The following HEATR1 variants were observed in gnomAD, a reference collection of about 807,000 sequenced individuals.
HEATR1 encodes HEAT repeat containing 1.
Under a neutral mutation model 248.2 loss-of-function variants are expected in HEATR1, and 77 were observed. That is an observed-to-expected ratio of 0.31 (90% CI 0.26 to 0.37). The LOEUF (loss-of-function observed/expected upper bound fraction) is 0.37, where lower values mean the gene tolerates loss of function less well. Among genes scored for constraint, HEATR1 ranks in the 10% least tolerant of loss-of-function variants. The pLI, the probability that HEATR1 is intolerant of heterozygous loss-of-function variation, is 1.00. For missense variants in HEATR1, 2,420 were observed against 2,504.9 expected (o/e 0.97, Z 0.72); for synonymous variants, 897 against 923.1 (o/e 0.97, Z 0.51).
At chr1:236,575,413 C>G (rs1253172660) in intron 22 of HEATR1, among the ~76,000 whole-genome samples, 1 of 152,018 alleles carries the variant, frequency 6.6e-6, no homozygotes, top group Non-Finnish European at 1.5e-5. Context: ...TTGTTTACAC[C>G]CTGTCTGTGG....
At chr1:236,604,149 G>T (rs1664408787) in intron 1 of HEATR1, 22 bp from the exon 2 acceptor site, 2 of 1,514,492 alleles carry the variant, frequency 1.3e-6, no homozygotes, top group East Asian at 2.4e-5. Flanking sequence ...TAAGCACTTT[G>T]ATAAGTTTCT....
chr1:236,579,709 T>C (rs980071908), intron 20 of HEATR1, among the ~76,000 whole-genome samples: 21 of 152,058 alleles, frequency 1.4e-4, no homozygotes, highest in African/African-American at 5.1e-4. Flanking sequence ...GACCGAAATT[T>C]TGTAAGCGAA....
rs1308854790 is a variant in HEATR1 at position 236,555,497 on chromosome 1, C to T, written c.5755-33G>A. ...GATAAGACAGTATTAGTTTCTTCGACATCTTGTCACTTAAATCTGAGCACA... is the reference window on the plus strand; with the variant it reads ...GATAAGACAGTATTAGTTTCTTCGATATCTTGTCACTTAAATCTGAGCACA... On this transcript the variant is annotated intron_variant, in intron 40 of 44. Transcript: ENST00000366582. 4 of 1,613,940 alleles carry T rather than the reference C, an allele frequency of 2.5e-6. No individual in the cohort carries two copies. The African/African-American group carries it at 4.0e-5, about 16-fold the overall frequency.
At chr1:236,561,489 A>G (rs1421033676) in intron 32 of HEATR1, among the ~76,000 whole-genome samples, 1 of 152,256 alleles carries the variant, frequency 6.6e-6, no homozygotes, top group Non-Finnish European at 1.5e-5. Context: ...GTATCTAAAA[A>G]GTACTACAAT....
At chr1:236,596,130 CAT>C in intron 6 of HEATR1, 86 bp from the exon 7 acceptor site, 2 of 1,007,318 alleles carry the variant, frequency 2.0e-6, no homozygotes, top group East Asian at 2.6e-5. Context: ...TTAGAAATGT[CAT>C]AGAGATTAAT....
In HEATR1 at chr1:236,552,120, A is replaced by G. The variant is rs1662774610; in HGVS notation, c.6238-13T>C. ...CAGCAAATCGAACCTGAAAGGGATA[A>G]AAGAGCAAAGAAATAAAAAGTAGTG... On this transcript the variant is annotated splice_polypyrimidine_tract_variant and intron_variant, in intron 43 of 44. Coordinates refer to ENST00000366582, the MANE Select transcript of HEATR1 (RefSeq NM_018072.6). 2 of 1,530,558 alleles carry G rather than the reference A, an allele frequency of 1.3e-6. No homozygotes were observed. The highest frequency in any genetic ancestry group is 1.8e-6 in the Non-Finnish European group (2 of 1,105,892). 94.8% of individuals were successfully genotyped at this position (1,530,558 alleles called of 1,614,324 possible).
intron 43 of HEATR1, 129 bp downstream of exon 43, chr1:236,553,452 A>G: frequency 1.0e-6 from 1 of 958,774 alleles, no homozygotes; most frequent in Non-Finnish European, 1.5e-6. Context: ...GACCTCTAGT[A>G]CTGGATGACA....
At chr1:236,583,489 T>C (rs1374617165) in intron 17 of HEATR1, among the ~76,000 whole-genome samples, 1 of 146,322 alleles carries the variant, frequency 6.8e-6, no homozygotes, top group African/African-American at 2.5e-5. Context: ...TATTTCTTTT[T>C]TTTTTTTTTT....
At position 236,549,235 on chromosome 1, in the gene HEATR1, C is replaced by T. The variant is rs986264839; in HGVS notation, c.*1667G>A. 5.5e-5 allele frequency: 20 copies of T among 362,038 alleles called. No individual in the cohort carries two copies. The East Asian group carries it at 6.7e-4, about 12-fold the overall frequency. The allele number at this position is 362,038 out of a possible 1,614,324, so 22.4% of individuals were successfully genotyped here. On this transcript the variant is annotated 3_prime_UTR_variant, in exon 45 of 45. Transcript: ENST00000366582. Reference sequence around the variant, plus strand: ...GAGATCAAAGCACTCTTCCACTTTACGTGATTAAAATCAAACCTGTATCAG... The same window carrying T: ...GAGATCAAAGCACTCTTCCACTTTATGTGATTAAAATCAAACCTGTATCAG...
At position 236,576,632 on chromosome 1, in the gene HEATR1, A is replaced by T. The variant is rs1476596997; in HGVS notation, c.2925+148T>A. On this transcript the variant is annotated intron_variant, in intron 21 of 44. Coordinates refer to ENST00000366582, the MANE Select transcript of HEATR1 (RefSeq NM_018072.6). ...GCTATCTTTTCAAAAGTAGGGGGACACAGATGTACAGATATTGACCTATCA... is the reference window on the plus strand; with the variant it reads ...GCTATCTTTTCAAAAGTAGGGGGACTCAGATGTACAGATATTGACCTATCA... 8.4e-6 allele frequency: 6 copies of T among 710,722 alleles called. No homozygotes were observed. In the Admixed American group the frequency reaches 1.3e-4, roughly 16 times the overall value. 44.0% of individuals were successfully genotyped at this position (710,722 alleles called of 1,614,324 possible).
intron 23 of HEATR1, 146 bp from the exon 24 acceptor site, chr1:236,574,479 TACA>T: frequency 8.2e-7 from 1 of 1,212,756 alleles, no homozygotes; most frequent in Non-Finnish European, 1.1e-6. Context: ...ATGACCCATG[TACA>T]ACGTTCAGTT....
In HEATR1 at chr1:236,566,757, A is replaced by T. The variant is rs769977807; in HGVS notation, c.4197T>A (p.Leu1399=). ...CACCCAGTGTATCAACAAGTTGAAC[A>T]AGGATGGGCAGGCGCCTGTGCTCCG... ...HVPEHRRLPI[L]VQLVDTLGAE... The change falls in exon 30 of 45, where the codon CTT becomes CTA. Residue 1399 remains leucine (L), a synonymous_variant. Transcript: ENST00000366582. 1 of 1,614,170 alleles carries T rather than the reference A, an allele frequency of 6.2e-7. No homozygotes were observed. The highest frequency in any genetic ancestry group is 8.5e-7 in the Non-Finnish European group (1 of 1,180,008).
intron 5 of HEATR1, 22 bp from the exon 6 acceptor site, chr1:236,596,998 A>G: frequency 6.2e-7 from 1 of 1,607,308 alleles, no homozygotes; most frequent in Non-Finnish European, 8.5e-7. Context: ...AACACAAACA[A>G]AACACATTTA....
intron 28 of HEATR1, among the ~76,000 whole-genome samples, chr1:236,569,563 A>G (rs1438224309): frequency 6.6e-6 from 1 of 152,218 alleles, no homozygotes. Flanking sequence ...CAAAGAAAAA[A>G]TTCATACGAA....
At position 236,574,849 on chromosome 1, in the gene HEATR1, T is replaced by C. The variant is rs1218967730; in HGVS notation, c.3139A>G (p.Lys1047Glu). 1 of 1,613,812 alleles carries C rather than the reference T, an allele frequency of 6.2e-7. No homozygotes were observed. Among genetic ancestry groups the C allele is most frequent in the Non-Finnish European group, 8.5e-7 (1 of 1,179,836 alleles). ...MAEQLLEKIQ[K>E]EPTAVLKDEA... ...TCTTTCAGCACAGCTGTGGGCTCCT[T>C]CTGGATCTTTTCTAGCAGTTGTTCA... Residue 1047 changes from lysine (K) to glutamate (E), a missense_variant, in exon 23 of 45, where the codon AAG becomes GAG. Lys to Glu is a moderately conservative substitution (Grantham distance 56, BLOSUM62 1). Transcript: ENST00000366582.
In HEATR1 at chr1:236,591,997, T is replaced by C; in HGVS notation, c.1418A>G (p.Tyr473Cys). ...FVSLSTSGGK[Y>C]QFLADSDTSL... ...TTCCTTTGGAGAACAACATACCTGA[T>C]ACTTTCCTCCACTTGTAGAAAGAGA... The change falls in exon 11 of 45, where the codon TAT becomes TGT. Residue 473 changes from tyrosine (Y) to cysteine (C), a missense_variant. Tyr to Cys is a radical substitution (Grantham distance 194). Transcript: ENST00000366582. 1 of 1,565,088 alleles carries C rather than the reference T, an allele frequency of 6.4e-7. No homozygotes were observed. Among genetic ancestry groups the C allele is most frequent in the Non-Finnish European group, 8.8e-7 (1 of 1,137,486 alleles).
At chr1:236,561,322 A>C (rs756517507) in intron 32 of HEATR1, 51 bp from the exon 33 acceptor site, 9 of 1,374,248 alleles carry the variant, frequency 6.5e-6, no homozygotes, top group Non-Finnish European at 7.2e-6. Context: ...CAATAATAAA[A>C]GTCATTTCAA....
In HEATR1 at chr1:236,556,181, C is replaced by A. The variant is rs750140316; in HGVS notation, c.5433G>T (p.Lys1811Asn). The A allele has an allele frequency of 2.5e-6, 4 of 1,613,974 alleles. No individual in the cohort carries two copies. The highest frequency in any genetic ancestry group is 3.4e-6 in the Non-Finnish European group (4 of 1,180,010). ...GGGGTGCAAGTGTGGTAGCCAGTGTCTTTTTAAGAGATGTGAGACGGATAT... is the reference window on the plus strand; with the variant it reads ...GGGGTGCAAGTGTGGTAGCCAGTGTATTTTTAAGAGATGTGAGACGGATAT... ...QANIRLTSLK[K>N]TLATTLAPRV... The change falls in exon 38 of 45, where the codon AAG becomes AAT. Residue 1811 changes from lysine (K) to asparagine (N), a missense_variant. Transcript: ENST00000366582.
At chr1:236,588,981 A>G (rs1254698593) in intron 12 of HEATR1, among the ~76,000 whole-genome samples, 1 of 152,204 alleles carries the variant, frequency 6.6e-6, no homozygotes, top group Admixed American at 6.5e-5. Flanking sequence ...GCAGCCATAT[A>G]TCTGAACCTG....
Sources: allele counts gnomAD v4.1 joint callset (sites outside exome capture counted in the v4.1 genomes callset), GRCh38; gene constraint gnomAD v4.1.1; transcripts MANE v1.5; gene names NCBI Gene and HGNC (gene_info 2026-07-23, HGNC 2026-07-21).